The following XXYLT1 variants were observed in gnomAD, a reference collection of about 807,000 sequenced individuals.
XXYLT1 encodes the protein UDP-xylose:alpha-xyloside alpha-1,3-xylosyltransferase.
In XXYLT1, 20 loss-of-function variants were observed where a neutral mutation model predicts 28.9. The ratio of observed to expected loss-of-function variants is 0.69; its 90% confidence interval spans 0.49 to 1.00. The LOEUF (loss-of-function observed/expected upper bound fraction) is 1.00. Among genes scored for constraint, XXYLT1 ranks in the 50% least tolerant of loss-of-function variants. The pLI is 0.00. For missense variants in XXYLT1, 542 were observed against 560.1 expected, an observed-to-expected ratio of 0.97 and a Z score of 0.33; for synonymous variants, 257 against 253.8, an observed-to-expected ratio of 1.01 and a Z score of -0.12.
intron 3 of XXYLT1, among the ~76,000 whole-genome samples, chr3:195,106,183 G>A (rs1717069560): frequency 6.6e-6 from 1 of 152,184 alleles, no homozygotes; most frequent in Non-Finnish European, 1.5e-5. Context: ...CCTCTTTGTG[G>A]AAGCTCAATA....
intron 3 of XXYLT1, among the ~76,000 whole-genome samples, chr3:195,099,789 C>T (rs1716667434): frequency 1.4e-5 from 2 of 145,954 alleles, no homozygotes; most frequent in South Asian, 4.4e-4. Context: ...TGAGATCGCG[C>T]CACTGCACTC....
intron 1 of XXYLT1, among the ~76,000 whole-genome samples, chr3:195,248,478 G>GAAC (rs560149201): frequency 3.0e-3 from 463 of 152,210 alleles, no homozygotes; most frequent in Non-Finnish European, 4.9e-3. Context: ...CCGCTTCCCT[G>GAAC]AACAACAACA....
At chr3:195,260,253 C>A (rs1299764145) in intron 1 of XXYLT1, among the ~76,000 whole-genome samples, 1 of 150,904 alleles carries the variant, frequency 6.6e-6, no homozygotes, top group East Asian at 1.9e-4. Flanking sequence ...CGTGTGTCGG[C>A]CCCGGGCGGG....
chr3:195,224,830 G>A (rs1204818584), intron 2 of XXYLT1, among the ~76,000 whole-genome samples: 4 of 152,208 alleles, frequency 2.6e-5, no homozygotes, highest in Non-Finnish European at 5.9e-5. Flanking sequence ...TTTCACAGGT[G>A]GGGAAACTGG....
chr3:195,156,222 A>G (rs1206212707), intron 3 of XXYLT1, among the ~76,000 whole-genome samples: 1 of 152,276 alleles, frequency 6.6e-6, no homozygotes, highest in Non-Finnish European at 1.5e-5. Flanking sequence ...TTTTCAGAAG[A>G]AAAAGGCCAC....
chr3:195,205,248 C>T (rs895370289), intron 2 of XXYLT1, among the ~76,000 whole-genome samples: 2 of 152,128 alleles, frequency 1.3e-5, no homozygotes, highest in African/African-American at 2.4e-5. Context: ...GCATACTAGC[C>T]GCAAACTGGG....
intron 3 of XXYLT1, among the ~76,000 whole-genome samples, chr3:195,130,974 C>T (rs1286450873): frequency 1.3e-5 from 2 of 152,192 alleles, no homozygotes; most frequent in Non-Finnish European, 2.9e-5. Context: ...TAGCCTGAGA[C>T]CTGCAAACAC....
intron 2 of XXYLT1, among the ~76,000 whole-genome samples, chr3:195,172,159 C>G (rs533743707): frequency 6.6e-6 from 1 of 152,324 alleles, no homozygotes; most frequent in South Asian, 2.1e-4. Flanking sequence ...AAAAGCACTT[C>G]TAGCCCAGGC....
Position 195,271,008 on chromosome 3 carries a change from C to G in XXYLT1, c.51G>C (p.Leu17=). Reference sequence around the variant, plus strand: ...CGCAGTAGTGGGAGCGCACAGCGCCCAGGCGCGCCATGGCCCGAGCGCATG... The same window carrying G: ...CGCAGTAGTGGGAGCGCACAGCGCCGAGGCGCGCCATGGCCCGAGCGCATG... The part of the protein sequence containing the change: ...GLPCARAMAR[L]GAVRSHYCAL... The change falls in exon 1 of 4, where the codon CTG becomes CTC. Residue 17 remains leucine (L), a synonymous_variant. Coordinates refer to ENST00000310380, the MANE Select transcript of XXYLT1 (RefSeq NM_152531.5). The G allele has an allele frequency of 6.8e-7, 1 of 1,475,524 alleles. No individual in the cohort carries two copies. Among genetic ancestry groups the G allele is most frequent in the East Asian group, 3.0e-5 (1 of 33,230 alleles). The allele number at this position is 1,475,524 out of a possible 1,614,324, so 91.4% of individuals were successfully genotyped here. A position where few individuals can be genotyped will look rare whatever the true frequency, so the allele number is the denominator to read the frequency against.
At chr3:195,259,156 A>G (rs773343981) in intron 1 of XXYLT1, among the ~76,000 whole-genome samples, 3 of 152,258 alleles carry the variant, frequency 2.0e-5, no homozygotes, top group Non-Finnish European at 4.4e-5. Flanking sequence ...CGCAGGGGCC[A>G]GCCTCTGGGA....
At chr3:195,143,863 TAGATATAGA>T (rs1577073753) in intron 3 of XXYLT1, among the ~76,000 whole-genome samples, 2 of 98,400 alleles carry the variant, frequency 2.0e-5, no homozygotes, top group East Asian at 6.0e-4. Context: ...TAGATATATA[TAGATATAGA>T]TATATATATA....
At chr3:195,121,738 C>T (rs1024918951) in intron 3 of XXYLT1, among the ~76,000 whole-genome samples, 1 of 152,196 alleles carries the variant, frequency 6.6e-6, no homozygotes, top group South Asian at 2.1e-4. Context: ...GGAGAACACT[C>T]GCCAGGTCGG....
Position 195,209,902 on chromosome 3 carries a change from C to A in XXYLT1, c.652+16807G>T, listed in dbSNP as rs1296782495. The A allele has an allele frequency of 6.7e-6, 1 of 148,638 alleles. No individual in the cohort carries two copies. Among genetic ancestry groups the A allele is most frequent in the African/African-American group, 2.6e-5 (1 of 37,924 alleles). 9.2% of individuals were successfully genotyped at this position (148,638 alleles called of 1,614,324 possible). On this transcript the variant is annotated intron_variant, in intron 2 of 3. Coordinates refer to ENST00000310380, the MANE Select transcript of XXYLT1 (RefSeq NM_152531.5). This position sits in a 1 kb window ranked among gnomAD's most constrained non-coding sequence, Gnocchi z 5.0. ...GGACCTGGCCATCAGCAACTACACA[C>A]AGGACTTGAGTACAGAAATGAGTCT...
chr3:195,213,009 C>T (rs1481025400), intron 2 of XXYLT1, among the ~76,000 whole-genome samples: 1 of 152,204 alleles, frequency 6.6e-6, no homozygotes, highest in Non-Finnish European at 1.5e-5. Context: ...TCATGATCCA[C>T]GGAAAGTCCT....
chr3:195,070,405 A>G (rs1393569698), intron 3 of XXYLT1, among the ~76,000 whole-genome samples: 2 of 151,942 alleles, frequency 1.3e-5, no homozygotes, highest in African/African-American at 4.8e-5. Context: ...CTCCCCACAC[A>G]ACCCCAGGGG....
chr3:195,088,207 T>C (rs1316254821), intron 3 of XXYLT1, among the ~76,000 whole-genome samples: 1 of 151,522 alleles, frequency 6.6e-6, no homozygotes, highest in Admixed American at 6.6e-5. Context: ...CCTGCCTGCC[T>C]CTGTAGGCTC....
intron 2 of XXYLT1, among the ~76,000 whole-genome samples, chr3:195,208,778 G>A (rs1723183497): frequency 6.6e-6 from 1 of 152,136 alleles, no homozygotes; most frequent in African/African-American, 2.4e-5. Flanking sequence ...TTTCTCACGG[G>A]GGAGCGAGGT....
intron 2 of XXYLT1, among the ~76,000 whole-genome samples, chr3:195,202,093 C>G (rs1267522069): frequency 6.6e-6 from 1 of 152,118 alleles, no homozygotes; most frequent in African/African-American, 2.4e-5. Flanking sequence ...AGGAGAATTG[C>G]TTGAACCTGG....
chr3:195,125,349 C>T (rs1305944413), intron 3 of XXYLT1, among the ~76,000 whole-genome samples: 2 of 152,274 alleles, frequency 1.3e-5, no homozygotes, highest in Non-Finnish European at 2.9e-5. Flanking sequence ...GGCCTTTCAT[C>T]CCCATTTCCT....
Sources: allele counts gnomAD v4.1 joint callset (sites outside exome capture counted in the v4.1 genomes callset), GRCh38; gene constraint gnomAD v4.1.1; non-coding constraint Gnocchi (gnomAD v3.1); transcripts MANE v1.5; gene names NCBI Gene and HGNC (gene_info 2026-07-23, HGNC 2026-07-21).